NR3C2: variants seen among roughly 807,000 people sequenced by gnomAD.
The protein encoded by NR3C2 is nuclear receptor subfamily 3 group C member 2, also known as mineralocorticoid receptor.
Under a neutral mutation model 86.4 loss-of-function variants are expected in NR3C2, and 15 were observed. The observed-to-expected ratio is 0.17, with a 90% CI of 0.12 to 0.27. The LOEUF (loss-of-function observed/expected upper bound fraction) is 0.27, where lower values mean the gene tolerates loss of function less well. Ranked by LOEUF, NR3C2 falls within the 10% of genes least tolerant of loss-of-function variation. NR3C2 has a pLI of 1.00. For missense variants in NR3C2, 960 were observed against 1,195.6 expected, an observed-to-expected ratio of 0.80 and a Z score of 2.91; for synonymous variants, 458 against 450.5, an observed-to-expected ratio of 1.02 and a Z score of -0.21.
intron 2 of NR3C2, among the ~76,000 whole-genome samples, chr4:148,344,578 T>C (rs998780881): frequency 6.6e-6 from 1 of 152,282 alleles, no homozygotes; most frequent in Admixed American, 6.5e-5. Context: ...TGTTAGCTGC[T>C]ATTAGCAGGA....
At chr4:148,138,249 TAAATACTGTCATGATATCAGA>T (rs1733443282) in intron 6 of NR3C2, among the ~76,000 whole-genome samples, 1 of 152,184 alleles carries the variant, frequency 6.6e-6, no homozygotes, top group Non-Finnish European at 1.5e-5. Context: ...ATTGAGCTCT[TAAATACTGTCATGATATCAGA>T]AAGGAAGAAA....
At chr4:148,261,296 T>C (rs76438846) in intron 2 of NR3C2, among the ~76,000 whole-genome samples, 53,184 of 118,204 alleles carry the variant, frequency 0.45, 10,740 homozygotes, top group East Asian at 0.73. Flanking sequence ...CTATGGTAAG[T>C]GCTATGGTGC....
intron 2 of NR3C2, among the ~76,000 whole-genome samples, chr4:148,358,522 G>A (rs1206744676): frequency 2.0e-5 from 3 of 151,412 alleles, no homozygotes; most frequent in Non-Finnish European, 4.4e-5. Flanking sequence ...CCTAATGCTA[G>A]ATGACGAGTT....
At chr4:148,209,722 G>C (rs1390734838) in intron 3 of NR3C2, among the ~76,000 whole-genome samples, 2 of 152,158 alleles carry the variant, frequency 1.3e-5, no homozygotes, top group African/African-American at 2.4e-5. Flanking sequence ...AGCTTACCAG[G>C]AGAAGCCAAT....
chr4:148,168,264 A>G (rs1450710094), intron 4 of NR3C2, among the ~76,000 whole-genome samples: 1 of 152,198 alleles, frequency 6.6e-6, no homozygotes, highest in Non-Finnish European at 1.5e-5. Flanking sequence ...GGGGCAAGTG[A>G]TGCACAGAAA....
At chr4:148,281,871 A>T (rs1741264416) in intron 2 of NR3C2, among the ~76,000 whole-genome samples, 1 of 152,240 alleles carries the variant, frequency 6.6e-6, no homozygotes, top group African/African-American at 2.4e-5. Flanking sequence ...TATAATATTC[A>T]TGAGTGCTAC....
At chr4:148,326,112 C>T (rs564157827) in intron 2 of NR3C2, among the ~76,000 whole-genome samples, 200 of 151,936 alleles carry the variant, frequency 1.3e-3, no homozygotes, top group Non-Finnish European at 2.4e-3. Context: ...CTTTTTGGGC[C>T]GGGTGCAGTG....
At chr4:148,189,111 T>C (rs1736076255) in intron 4 of NR3C2, among the ~76,000 whole-genome samples, 1 of 152,098 alleles carries the variant, frequency 6.6e-6, no homozygotes, top group South Asian at 2.1e-4. Flanking sequence ...GTATTTTTAG[T>C]AGAGACGGGG....
At chr4:148,103,002 C>T (rs1162145870) in intron 8 of NR3C2, among the ~76,000 whole-genome samples, 1 of 152,194 alleles carries the variant, frequency 6.6e-6, no homozygotes, top group Non-Finnish European at 1.5e-5. Context: ...TCTTTCTCTC[C>T]ATTCGTCCCA....
At chr4:148,082,691 A>G (rs1166248424) in intron 8 of NR3C2, among the ~76,000 whole-genome samples, 2 of 112,314 alleles carry the variant, frequency 1.8e-5, no homozygotes, top group African/African-American at 6.4e-5. Context: ...TTCATACCCC[A>G]GTGGCATCTG....
intron 8 of NR3C2, among the ~76,000 whole-genome samples, chr4:148,103,920 C>G (rs148495244): frequency 6.6e-6 from 1 of 152,188 alleles, no homozygotes; most frequent in South Asian, 2.1e-4. Flanking sequence ...TTTTCCTTCA[C>G]GCTGAAATCA....
At chr4:148,369,229 C>T (rs991542754) in intron 2 of NR3C2, among the ~76,000 whole-genome samples, 1 of 152,182 alleles carries the variant, frequency 6.6e-6, no homozygotes, top group Non-Finnish European at 1.5e-5. Flanking sequence ...CATGGCATTG[C>T]ATTAGCGATT....
Position 148,308,647 on chromosome 4 carries a change from G to A in NR3C2, c.1758-48530C>T, listed in dbSNP as rs1054357394. ...GATAAGAAATCACAGCTAAAAGGAA[G>A]GAGTAAATTCTAGTGTTCTATAGCA... On this transcript the variant is annotated intron_variant, in intron 2 of 8. Transcript: ENST00000358102. Among the ~76,000 whole-genome samples the A allele has an allele frequency of 1.3e-5, 2 of 152,156 alleles. 1 individual carries two copies.
intron 6 of NR3C2, among the ~76,000 whole-genome samples, chr4:148,136,092 C>A (rs9762356): frequency 1 from 137,270 of 137,698 alleles, 68,428 homozygotes; most frequent in Admixed American, 1. Flanking sequence ...AAAAAAAACA[C>A]CACCAAAACC....
chr4:148,252,007 C>A (rs1168877405), intron 3 of NR3C2, among the ~76,000 whole-genome samples: 1 of 152,068 alleles, frequency 6.6e-6, no homozygotes, highest in African/African-American at 2.4e-5. Flanking sequence ...AATCAGAAGG[C>A]CTGGGCTGCC....
intron 2 of NR3C2, among the ~76,000 whole-genome samples, chr4:148,266,461 G>T (rs1464951462): frequency 2.6e-5 from 4 of 152,166 alleles, no homozygotes; most frequent in African/African-American, 9.7e-5. Context: ...AAGTCTCTGA[G>T]ACAGGAATGA....
intron 2 of NR3C2, among the ~76,000 whole-genome samples, chr4:148,419,882 A>C (rs1749194678): frequency 6.6e-6 from 1 of 152,200 alleles, no homozygotes; most frequent in South Asian, 2.1e-4. Flanking sequence ...AATGCTTAGA[A>C]AAGCAATGTG....
chr4:148,201,481 GTTTAT>G (rs1238419817), intron 3 of NR3C2, among the ~76,000 whole-genome samples: 1 of 152,166 alleles, frequency 6.6e-6, no homozygotes, highest in African/African-American at 2.4e-5. Flanking sequence ...TATGCTTATG[GTTTAT>G]TTTAACAAAT....
Position 148,336,274 on chromosome 4 carries a change from C to T in NR3C2, c.1758-76157G>A, listed in dbSNP as rs76602659. On this transcript the variant is annotated intron_variant, in intron 2 of 8. Coordinates refer to ENST00000358102, the MANE Select transcript of NR3C2 (RefSeq NM_000901.5). ...GAATAGGGAAGACCTAAGGCAGTGG[C>T]GGCACTCTAGGAAAAAGGGCTACAT... Among the ~76,000 whole-genome samples, 266 of 152,154 alleles carry T rather than the reference C, an allele frequency of 1.7e-3. 9 individuals carry two copies. In the East Asian group the frequency reaches 0.045, roughly 26 times the overall value.
Sources: allele counts gnomAD v4.1 joint callset (sites outside exome capture counted in the v4.1 genomes callset), GRCh38; gene constraint gnomAD v4.1.1; transcripts MANE v1.5; gene names NCBI Gene and HGNC (gene_info 2026-07-23, HGNC 2026-07-21).